Variants in BCAR3 observed in about 807,000 individuals in gnomAD.
The protein encoded by BCAR3 is breast cancer anti-estrogen resistance protein 3.
A neutral mutation model predicts 80.1 loss-of-function variants in BCAR3; 37 were observed. The observed-to-expected ratio is 0.46, with a 90% confidence interval of 0.36 to 0.61. BCAR3 has a LOEUF of 0.61. Ranked by LOEUF, BCAR3 falls within the 20% of genes least tolerant of loss-of-function variation. BCAR3 has a pLI of 0.00. For synonymous variants in BCAR3, 389 were observed against 418.9 expected (o/e 0.93, Z 0.87); for missense variants, 978 against 1,068.2 (o/e 0.92, Z 1.18).
At chr1:93,565,625 A>G (rs192092948) in intron 11 of BCAR3, among the ~76,000 whole-genome samples, 1 of 152,326 alleles carries the variant, frequency 6.6e-6, no homozygotes, top group Non-Finnish European at 1.5e-5. Context: ...ATCCATGGTA[A>G]TGTATTCATT....
At chr1:93,747,926 C>T (rs113449504) in intron 2 of BCAR3, among the ~76,000 whole-genome samples, 1 of 150,874 alleles carries the variant, frequency 6.6e-6, no homozygotes, top group South Asian at 2.1e-4. Context: ...TCCAACATTA[C>T]CTGCCAGCAG....
intron 2 of BCAR3, among the ~76,000 whole-genome samples, chr1:93,815,123 A>G (rs1318934730): frequency 6.6e-6 from 1 of 152,182 alleles, no homozygotes; most frequent in Non-Finnish European, 1.5e-5. Context: ...AGCAACAATT[A>G]TATCACACCT....
rs541460485 is a variant in BCAR3, at chr1:93,758,660, A to C, written c.-62-52518T>G. Among the ~76,000 whole-genome samples the C allele has an allele frequency of 1.3e-3, 204 of 152,352 alleles. 1 individual carries two copies. The highest frequency in any genetic ancestry group is 2.6e-3 in the Non-Finnish European group (180 of 68,032). ...CACTGGGTGAGGAGAATAGCTGAGA[A>C]ATGTTCTTGGGAACTGAGAAATACT... On this transcript the variant is annotated intron_variant, in intron 2 of 13. Transcript: ENST00000370244.
chr1:93,696,779 T>C (rs1357739216), intron 3 of BCAR3, among the ~76,000 whole-genome samples: 2 of 152,216 alleles, frequency 1.3e-5, no homozygotes, highest in African/African-American at 4.8e-5. Flanking sequence ...TCATTCTCTA[T>C]CTAACCAACT....
chr1:93,814,374 C>T (rs1279657906), intron 2 of BCAR3, among the ~76,000 whole-genome samples: 2 of 152,192 alleles, frequency 1.3e-5, no homozygotes, highest in African/African-American at 4.8e-5. Flanking sequence ...CCTCAATTTC[C>T]ACATCTCACA....
intron 2 of BCAR3, among the ~76,000 whole-genome samples, chr1:93,772,910 CTCT>C: frequency 6.6e-6 from 1 of 152,242 alleles, no homozygotes; most frequent in Non-Finnish European, 1.5e-5. Context: ...GGCCATCAAC[CTCT>C]TCTTTTTTAC....
intron 2 of BCAR3, among the ~76,000 whole-genome samples, chr1:93,654,810 C>A (rs1479692738): frequency 6.6e-6 from 1 of 152,216 alleles, no homozygotes; most frequent in Non-Finnish European, 1.5e-5. Context: ...TGTTCACACA[C>A]CACCTCCTCC....
At chr1:93,817,068 C>A (rs954706611) in intron 2 of BCAR3, among the ~76,000 whole-genome samples, 2 of 152,226 alleles carry the variant, frequency 1.3e-5, no homozygotes, top group Middle Eastern at 3.2e-3. Context: ...ATCTGCTTCT[C>A]AGCCATCTGT....
intron 2 of BCAR3, among the ~76,000 whole-genome samples, chr1:93,659,401 C>T (rs1470647796): frequency 6.6e-6 from 1 of 151,512 alleles, no homozygotes; most frequent in Admixed American, 6.6e-5. Context: ...CTATGTTGTC[C>T]AGGCTGTTCT....
intron 2 of BCAR3, among the ~76,000 whole-genome samples, chr1:93,735,501 C>T (rs183690930): frequency 0.023 from 3,482 of 152,322 alleles, 51 homozygotes; most frequent in Non-Finnish European, 0.03. Context: ...TTAAAATGTG[C>T]TCCACATGAA....
At chr1:93,687,297 T>C (rs1046629887) in intron 3 of BCAR3, among the ~76,000 whole-genome samples, 5 of 152,134 alleles carry the variant, frequency 3.3e-5, no homozygotes, top group Non-Finnish European at 1.5e-5. Flanking sequence ...ATTTATTTTA[T>C]TTTTATTTTT....
chr1:93,626,299 A>G (rs573035277), intron 3 of BCAR3, among the ~76,000 whole-genome samples: 16 of 152,354 alleles, frequency 1.1e-4, no homozygotes, highest in African/African-American at 3.8e-4. Context: ...CTGTTGGGCA[A>G]GCTGAGCTTA....
At chr1:93,765,293 C>T (rs1386779443) in intron 2 of BCAR3, among the ~76,000 whole-genome samples, 3 of 152,194 alleles carry the variant, frequency 2.0e-5, no homozygotes, top group Non-Finnish European at 4.4e-5. Flanking sequence ...ATAGAAACCA[C>T]ACTCACCATA....
At chr1:93,681,059 T>TACAG in intron 1 of BCAR3, 1 of 152,420 alleles carries the variant, frequency 6.6e-6, no homozygotes, top group East Asian at 1.9e-4. Context: ...TGTCAACAGT[T>TACAG]ACAGGGCAGG....
intron 2 of BCAR3, among the ~76,000 whole-genome samples, chr1:93,651,642 C>T (rs1195615002): frequency 6.6e-6 from 1 of 152,094 alleles, no homozygotes; most frequent in African/African-American, 2.4e-5. Flanking sequence ...GACTGTATGT[C>T]CTGGTACAAT....
At chr1:93,583,948 G>A (rs1673832529) in intron 6 of BCAR3, 70 bp downstream of exon 6, 1 of 1,448,444 alleles carries the variant, frequency 6.9e-7, no homozygotes, top group Non-Finnish European at 9.6e-7. Flanking sequence ...CAACTAGATG[G>A]GGCAGGGTAA....
intron 2 of BCAR3, among the ~76,000 whole-genome samples, chr1:93,787,351 G>T (rs1040670552): frequency 6.6e-6 from 1 of 152,124 alleles, no homozygotes; most frequent in East Asian, 1.9e-4. Context: ...TATTCTGCTG[G>T]GTTTGGGTTT....
At chr1:93,776,776 A>G (rs1047706502) in intron 2 of BCAR3, among the ~76,000 whole-genome samples, 1 of 152,108 alleles carries the variant, frequency 6.6e-6, no homozygotes, top group African/African-American at 2.4e-5. Context: ...TTCTTTGCCA[A>G]TAGGTGGTAT....
At chr1:93,764,965 G>A (rs552924277) in intron 2 of BCAR3, among the ~76,000 whole-genome samples, 10 of 152,292 alleles carry the variant, frequency 6.6e-5, no homozygotes, top group African/African-American at 2.2e-4. Flanking sequence ...TCCTGTTCAA[G>A]TGGGACCTCG....
Sources: gnomAD v4.1 joint callset for allele counts (sites outside exome capture counted in the v4.1 genomes callset) on GRCh38, gnomAD v4.1.1 for gene constraint, MANE v1.5 for transcripts, NCBI Gene and HGNC (gene_info 2026-07-23, HGNC 2026-07-21) for gene names.